Variants in MAGI2 observed in about 807,000 individuals in gnomAD.
The protein encoded by MAGI2 is membrane associated guanylate kinase, WW and PDZ domain containing 2, also known as membrane-associated guanylate kinase, WW and PDZ domain-containing protein 2.
MAGI2 carries 35 observed loss-of-function variants against 133.3 expected under a neutral mutation model. The observed-to-expected ratio is 0.26, with a 90% CI of 0.20 to 0.35. MAGI2 has a LOEUF of 0.35. Ranked by LOEUF, MAGI2 falls within the 10% of genes least tolerant of loss-of-function variation. MAGI2 has a pLI of 1.00. For missense variants in MAGI2, 1,636 were observed against 1,863.4 expected (o/e 0.88, Z 2.25); for synonymous variants, 729 against 710.6 (o/e 1.03, Z -0.41).
chr7:78,364,065 C>T (rs1345464526), intron 7 of MAGI2, among the ~76,000 whole-genome samples: 2 of 152,058 alleles, frequency 1.3e-5, no homozygotes, highest in African/African-American at 4.8e-5. Context: ...AATCTGCCTA[C>T]TCAAGATCTC....
chr7:78,729,571 G>C (rs1005169106), intron 2 of MAGI2, among the ~76,000 whole-genome samples: 2 of 152,182 alleles, frequency 1.3e-5, no homozygotes, highest in African/African-American at 4.8e-5. Flanking sequence ...GTATGTTCTA[G>C]CTGTCAGACT....
intron 2 of MAGI2, among the ~76,000 whole-genome samples, chr7:78,711,857 A>C (rs895167438): frequency 2.6e-5 from 4 of 152,196 alleles, no homozygotes; most frequent in African/African-American, 9.7e-5. Context: ...TATAATCCAA[A>C]ATGGTGGATA....
chr7:78,573,244 AT>A (rs1801791643), intron 3 of MAGI2, among the ~76,000 whole-genome samples: 6 of 55,968 alleles, frequency 1.1e-4, no homozygotes, highest in South Asian at 1.2e-3. Context: ...ATATATATAT[AT>A]AAATATATAT....
intron 10 of MAGI2, among the ~76,000 whole-genome samples, chr7:78,215,639 A>T (rs1788196766): frequency 6.6e-6 from 1 of 152,166 alleles, no homozygotes; most frequent in Non-Finnish European, 1.5e-5. Context: ...TGCTGCCTGG[A>T]GTGCTGTGGT....
At chr7:79,082,627 T>C (rs923682279) in intron 1 of MAGI2, among the ~76,000 whole-genome samples, 3 of 152,076 alleles carry the variant, frequency 2.0e-5, no homozygotes, top group African/African-American at 7.2e-5. Context: ...AGTTATGAAA[T>C]TGGAATTTAT....
intron 2 of MAGI2, among the ~76,000 whole-genome samples, chr7:78,854,765 G>A (rs1793478185): frequency 6.6e-6 from 1 of 151,068 alleles, no homozygotes; most frequent in Admixed American, 6.6e-5. Flanking sequence ...TATTTTCTCT[G>A]TACTTCTTGT....
chr7:78,227,338 G>T (rs1447723706), intron 10 of MAGI2, among the ~76,000 whole-genome samples: 1 of 152,252 alleles, frequency 6.6e-6, no homozygotes, highest in East Asian at 1.9e-4. Flanking sequence ...GGCCCTACCG[G>T]AGGATCTGTC....
intron 2 of MAGI2, among the ~76,000 whole-genome samples, chr7:78,754,932 T>C (rs1285893285): frequency 6.6e-6 from 1 of 152,252 alleles, no homozygotes; most frequent in Admixed American, 6.5e-5. Flanking sequence ...TACCAAGTTA[T>C]CTGCTTTAAT....
At chr7:78,086,480 A>G (rs1816651493) in intron 20 of MAGI2, among the ~76,000 whole-genome samples, 1 of 150,898 alleles carries the variant, frequency 6.6e-6, no homozygotes, top group African/African-American at 2.4e-5. Flanking sequence ...AAGATGATCT[A>G]CCTGCCTTGG....
chr7:78,917,245 A>G (rs1331357850), intron 2 of MAGI2, among the ~76,000 whole-genome samples: 1 of 152,014 alleles, frequency 6.6e-6, no homozygotes, highest in Admixed American at 6.6e-5. Context: ...AAGGAAGTAG[A>G]GTAAGAGGAG....
chr7:78,546,676 ATCTCTCTCTCTC>A (rs3086440), intron 3 of MAGI2, among the ~76,000 whole-genome samples: 1 of 150,624 alleles, frequency 6.6e-6, no homozygotes, highest in Non-Finnish European at 1.5e-5. Context: ...AAAGATCCTC[ATCTCTCTCTCTC>A]TCTCTCTCTC....
chr7:79,171,993 C>T (rs565434841), intron 1 of MAGI2, among the ~76,000 whole-genome samples: 2 of 151,560 alleles, frequency 1.3e-5, no homozygotes, highest in Non-Finnish European at 2.9e-5. Flanking sequence ...TGCCTAATCA[C>T]ATGCTCCCTG....
intron 1 of MAGI2, among the ~76,000 whole-genome samples, chr7:79,384,122 A>G (rs1198060475): frequency 1.5e-5 from 2 of 130,718 alleles, no homozygotes; most frequent in African/African-American, 3.1e-5. Flanking sequence ...TGAAGATTAC[A>G]GATACATTAA....
intron 6 of MAGI2, among the ~76,000 whole-genome samples, chr7:78,418,895 ATATAT>A (rs1326109689): frequency 6.6e-6 from 1 of 152,194 alleles, no homozygotes; most frequent in Non-Finnish European, 1.5e-5. Context: ...GTTGTGATAA[ATATAT>A]TATTTTTGTC....
intron 3 of MAGI2, among the ~76,000 whole-genome samples, chr7:78,589,759 A>G (rs745530520): frequency 6.6e-6 from 1 of 152,208 alleles, no homozygotes; most frequent in Non-Finnish European, 1.5e-5. Flanking sequence ...GTTTTATTAC[A>G]CTTCAAGAAA....
chr7:78,534,438 T>C (rs536268616), intron 3 of MAGI2, among the ~76,000 whole-genome samples: 2 of 152,202 alleles, frequency 1.3e-5, no homozygotes, highest in Non-Finnish European at 2.9e-5. Context: ...GGCTAAACTA[T>C]ATGGAAATGT....
chr7:78,315,006 T>C (rs1002563619), intron 9 of MAGI2, among the ~76,000 whole-genome samples: 30 of 152,300 alleles, frequency 2.0e-4, no homozygotes, highest in African/African-American at 6.3e-4. Context: ...AGTTTTATAC[T>C]GGCTAGACCA....
chr7:78,434,037 TTC>T (rs1297260650), intron 6 of MAGI2, among the ~76,000 whole-genome samples: 1 of 152,188 alleles, frequency 6.6e-6, no homozygotes, highest in African/African-American at 2.4e-5. Flanking sequence ...TCCCTCCATA[TTC>T]TCTCTTTGCT....
chr7:79,399,085 T>C (rs77188654), intron 1 of MAGI2, among the ~76,000 whole-genome samples: 22,181 of 138,684 alleles, frequency 0.16, 2,217 homozygotes, highest in East Asian at 0.32. Context: ...ATTTCTTTTT[T>C]TTTTCTTTTC....
Sources: allele counts gnomAD v4.1 joint callset (sites outside exome capture counted in the v4.1 genomes callset), GRCh38; gene constraint gnomAD v4.1.1; transcripts MANE v1.5; gene names NCBI Gene and HGNC (gene_info 2026-07-23, HGNC 2026-07-21).